Variants in EPB41L5 observed in about 807,000 individuals in gnomAD.
The protein encoded by EPB41L5 is erythrocyte membrane protein band 4.1 like 5.
Under a neutral mutation model 106.6 loss-of-function variants are expected in EPB41L5, and 55 were observed. That is an observed-to-expected ratio of 0.52 (90% confidence interval 0.42 to 0.65). The LOEUF is 0.65. Among genes scored for constraint, EPB41L5 ranks in the 30% least tolerant of loss-of-function variants. The pLI is 0.00. For missense variants in EPB41L5, 871 were observed against 882.1 expected (o/e 0.99, Z 0.16); for synonymous variants, 297 against 306.7 (o/e 0.97, Z 0.33).
chr2:120,147,458 C>T (rs1256628173), intron 20 of EPB41L5, among the ~76,000 whole-genome samples: 2 of 151,908 alleles, frequency 1.3e-5, no homozygotes, highest in Non-Finnish European at 2.9e-5. Context: ...AAACCCGTCT[C>T]TACTAAAAAT....
intron 19 of EPB41L5, among the ~76,000 whole-genome samples, chr2:120,143,827 A>G (rs894952325): frequency 6.6e-5 from 10 of 152,178 alleles, no homozygotes; most frequent in Admixed American, 4.6e-4. Flanking sequence ...TACATATAAA[A>G]TAAATATAAA....
At chr2:120,170,393 G>A (rs924653744) in intron 24 of EPB41L5, among the ~76,000 whole-genome samples, 5 of 152,220 alleles carry the variant, frequency 3.3e-5, no homozygotes, top group Non-Finnish European at 5.9e-5. Flanking sequence ...GCAAAGGCCA[G>A]GTTTTCATCT....
At chr2:120,112,810 G>A (rs947909947) in intron 16 of EPB41L5, among the ~76,000 whole-genome samples, 11 of 152,198 alleles carry the variant, frequency 7.2e-5, no homozygotes, top group Non-Finnish European at 1.6e-4. Context: ...ACAGCAGTAA[G>A]TATTCACTCT....
chr2:120,035,645 T>C (rs567398587), intron 2 of EPB41L5, among the ~76,000 whole-genome samples: 180 of 152,278 alleles, frequency 1.2e-3, no homozygotes, highest in Middle Eastern at 0.01. Flanking sequence ...AGCCACTGAA[T>C]TCTGGCCTGG....
At chr2:120,040,252 A>G (rs202181087) in intron 2 of EPB41L5, among the ~76,000 whole-genome samples, 28 of 152,300 alleles carry the variant, frequency 1.8e-4, no homozygotes, top group African/African-American at 6.3e-4. Flanking sequence ...ATAGAATACA[A>G]TATGATTAAG....
intron 16 of EPB41L5, chr2:120,106,033 T>G (rs1684435288): frequency 1.0e-6 from 1 of 984,864 alleles, no homozygotes; most frequent in South Asian, 4.7e-5. Flanking sequence ...ATGCCCCATA[T>G]ATATCTTAGC....
chr2:120,091,712 T>C (rs908917361), intron 13 of EPB41L5, 51 bp downstream of exon 13: 2 of 1,403,918 alleles, frequency 1.4e-6, no homozygotes, highest in Admixed American at 3.7e-5. Flanking sequence ...CAATTAATTA[T>C]GTGCTGGTGT....
At chr2:120,059,737 TACAAAAAAAA>T (rs1338467763) in intron 3 of EPB41L5, among the ~76,000 whole-genome samples, 3 of 151,310 alleles carry the variant, frequency 2.0e-5, no homozygotes, top group Non-Finnish European at 2.9e-5. Flanking sequence ...ACCTTGTCTC[TACAAAAAAAA>T]ACAAAAAAAG....
chr2:120,164,581 G>A (rs551853026), intron 21 of EPB41L5, among the ~76,000 whole-genome samples: 5 of 152,234 alleles, frequency 3.3e-5, no homozygotes, highest in African/African-American at 1.2e-4. Context: ...CCCAAGTTTT[G>A]TCTTACCAAA....
intron 2 of EPB41L5, among the ~76,000 whole-genome samples, chr2:120,032,819 A>C (rs1574491380): frequency 6.6e-6 from 1 of 152,184 alleles, no homozygotes; most frequent in East Asian, 1.9e-4. Context: ...ATTCACATTT[A>C]TTGTGTTTAA....
intron 3 of EPB41L5, among the ~76,000 whole-genome samples, chr2:120,071,723 C>T (rs544209761): frequency 6.6e-6 from 1 of 152,252 alleles, no homozygotes; most frequent in Non-Finnish European, 1.5e-5. Context: ...ACTGGCTAGC[C>T]ATATGCAGAA....
intron 3 of EPB41L5, among the ~76,000 whole-genome samples, chr2:120,065,158 G>A (rs1043660274): frequency 7.2e-5 from 11 of 151,858 alleles, no homozygotes; most frequent in African/African-American, 1.9e-4. Context: ...TTGTTCTGTC[G>A]CCCAGGCTGG....
chr2:120,096,569 C>T (rs1015120440), intron 14 of EPB41L5, among the ~76,000 whole-genome samples: 5 of 152,114 alleles, frequency 3.3e-5, no homozygotes, highest in African/African-American at 1.2e-4. Context: ...GCAGGCAGAT[C>T]ACCTGAGGTC....
At chr2:120,170,325 A>G (rs1232021539) in intron 24 of EPB41L5, among the ~76,000 whole-genome samples, 1 of 152,266 alleles carries the variant, frequency 6.6e-6, no homozygotes, top group Non-Finnish European at 1.5e-5. Context: ...AGGAATCTGG[A>G]TGTAGCTGAG....
intron 3 of EPB41L5, among the ~76,000 whole-genome samples, chr2:120,051,290 C>T (rs544559873): frequency 1.3e-5 from 2 of 152,210 alleles, no homozygotes; most frequent in African/African-American, 2.4e-5. Flanking sequence ...CCTTGAGCTG[C>T]GGTGGGCTCC....
chr2:120,146,188 A>G (rs753848394), intron 19 of EPB41L5, 37 bp from the exon 20 acceptor site: 10 of 1,285,464 alleles, frequency 7.8e-6, no homozygotes, highest in Admixed American at 3.5e-5. Flanking sequence ...AGTATCCTCA[A>G]TAAAGATTTA....
intron 13 of EPB41L5, among the ~76,000 whole-genome samples, chr2:120,092,008 T>TTTTA (rs145583905): frequency 0.016 from 2,393 of 146,746 alleles, 66 homozygotes; most frequent in African/African-American, 0.056. Flanking sequence ...TTAAAAACAT[T>TTTTA]TTTATTTATT....
At chr2:120,163,234 G>GAC (rs1275032538) in intron 21 of EPB41L5, among the ~76,000 whole-genome samples, 1 of 147,560 alleles carries the variant, frequency 6.8e-6, no homozygotes, top group Non-Finnish European at 1.5e-5. Flanking sequence ...CAGCCTGGGT[G>GAC]ACAGAGCAAG....
At chr2:120,128,064 A>G (rs1685537082) in intron 17 of EPB41L5, 2 of 375,034 alleles carry the variant, frequency 5.3e-6, no homozygotes, top group East Asian at 8.4e-5. Flanking sequence ...TGTCATTTAT[A>G]AGACATTAAA....
Sources: gnomAD v4.1 joint callset for allele counts (sites outside exome capture counted in the v4.1 genomes callset) on GRCh38, gnomAD v4.1.1 for gene constraint, MANE v1.5 for transcripts, NCBI Gene and HGNC (gene_info 2026-07-23, HGNC 2026-07-21) for gene names.